SLC35B4: variants seen among roughly 807,000 people sequenced by gnomAD.
SLC35B4 encodes solute carrier family 35 member B4.
Under a neutral mutation model 39.5 loss-of-function variants are expected in SLC35B4, and 28 were observed. The ratio of observed to expected loss-of-function variants is 0.71; its 90% CI spans 0.53 to 0.97. SLC35B4 has a LOEUF of 0.97. SLC35B4 is among the 50% of genes least tolerant of loss of function. The pLI is 0.00. For missense variants in SLC35B4, 334 were observed against 414.3 expected (o/e 0.81, Z 1.68); for synonymous variants, 145 against 150.4 (o/e 0.96, Z 0.26).
chr7:134,295,574 C>G (rs1264527566), intron 9 of SLC35B4, among the ~76,000 whole-genome samples: 2 of 151,932 alleles, frequency 1.3e-5, no homozygotes, highest in Non-Finnish European at 2.9e-5. Flanking sequence ...AAAACGAAAA[C>G]TTGATTACTT....
chr7:134,302,285 C>A (rs759371014), intron 4 of SLC35B4, among the ~76,000 whole-genome samples, 175 bp from the exon 5 acceptor site: 1 of 152,222 alleles, frequency 6.6e-6, no homozygotes, highest in Non-Finnish European at 1.5e-5. Flanking sequence ...AGGATACTGA[C>A]TAGTTTCTAA....
intron 7 of SLC35B4, 27 bp from the exon 8 acceptor site, chr7:134,299,625 T>C (rs775794066): frequency 6.3e-7 from 1 of 1,577,066 alleles, no homozygotes; most frequent in African/African-American, 1.4e-5. Context: ...GTCAGATAAA[T>C]GTAAGTGCAA....
At chr7:134,302,241 G>T in intron 4 of SLC35B4, 131 bp from the exon 5 acceptor site, 1 of 741,420 alleles carries the variant, frequency 1.3e-6, no homozygotes, top group Non-Finnish European at 2.2e-6. Context: ...TTACTTTCCA[G>T]CAGAGTCCAC....
In SLC35B4 at chr7:134,294,234, A is replaced by T. The variant is rs1393579331; in HGVS notation, c.*599T>A. The T allele has an allele frequency of 6.6e-6, 1 of 151,720 alleles. No individual in the cohort carries two copies. The highest frequency in any genetic ancestry group is 1.5e-5 in the Non-Finnish European group (1 of 68,276). 9.4% of individuals were successfully genotyped at this position (151,720 alleles called of 1,614,324 possible). On this transcript the variant is annotated 3_prime_UTR_variant, in exon 10 of 10. Transcript: ENST00000378509. ...AAATGTGGGAAAGAGGAGTCCCACTAGTCTTGCTGCACTGTCACTGGGAAT... is the reference window on the plus strand; with the variant it reads ...AAATGTGGGAAAGAGGAGTCCCACTTGTCTTGCTGCACTGTCACTGGGAAT...
intron 4 of SLC35B4, 130 bp downstream of exon 4, chr7:134,304,675 C>G: frequency 1.5e-6 from 1 of 679,368 alleles, no homozygotes; most frequent in Non-Finnish European, 2.5e-6. Context: ...TGGTAAAGAA[C>G]TAAGAAAAGA....
At chr7:134,306,567 C>T in intron 3 of SLC35B4, 105 bp downstream of exon 3, 1 of 876,854 alleles carries the variant, frequency 1.1e-6, no homozygotes, top group Non-Finnish European at 1.7e-6. Context: ...TTCTTCTACC[C>T]AAGACCACTT....
At chr7:134,300,013 A>C in intron 7 of SLC35B4, 139 bp downstream of exon 7, 1 of 608,666 alleles carries the variant, frequency 1.6e-6, no homozygotes, top group East Asian at 2.8e-5. Flanking sequence ...ATCCCATCAA[A>C]ACTGCTTCAG....
At position 134,293,403 on chromosome 7, in the gene SLC35B4, G is replaced by C. The variant is rs1803378435; in HGVS notation, c.*1430C>G. The C allele has an allele frequency of 6.6e-6, 1 of 152,212 alleles. No individual in the cohort carries two copies. Among genetic ancestry groups the C allele is most frequent in the African/African-American group, 2.4e-5 (1 of 41,458 alleles). 9.4% of individuals were successfully genotyped at this position (152,212 alleles called of 1,614,324 possible). ...GAAAGGAAAACTGGACCTCTGAAAT[G>C]ATTAGCAAAGAGAGGCATGTTTCCA... is the stretch of plus-strand genomic sequence containing the variant. On this transcript the variant is annotated 3_prime_UTR_variant, in exon 10 of 10. Coordinates refer to ENST00000378509, the MANE Select transcript of SLC35B4 (RefSeq NM_032826.5).
Position 134,293,815 on chromosome 7 carries a change from TAG to T in SLC35B4, c.*1016_*1017del, listed in dbSNP as rs1803393926. On this transcript the variant is annotated 3_prime_UTR_variant, in exon 10 of 10. Transcript: ENST00000378509. ...TTCTTTTTTTTTTTTTTTTTTGAGATAGAGTCTCACTCTGTCACCCAGGCGGG... is the reference window on the plus strand; with the variant it reads ...TTCTTTTTTTTTTTTTTTTTTGAGATAGTCTCACTCTGTCACCCAGGCGGG... 1 of 150,056 alleles carries T rather than the reference TAG, an allele frequency of 6.7e-6. No individual in the cohort carries two copies. The highest frequency in any genetic ancestry group is 6.7e-5 in the Admixed American group (1 of 15,028). The allele number at this position is 150,056 out of a possible 1,614,324, so 9.3% of individuals were successfully genotyped here. A position where few individuals can be genotyped will look rare whatever the true frequency, so the allele number is the denominator to read the frequency against.
rs1412114067 is a variant in SLC35B4 at position 134,293,176 on chromosome 7, T to TA, written c.*1656dup. The TA allele has an allele frequency of 1.3e-5, 2 of 148,168 alleles. No individual in the cohort carries two copies. Among genetic ancestry groups the TA allele is most frequent in the African/African-American group, 5.2e-5 (2 of 38,498 alleles). The allele number at this position is 148,168 out of a possible 1,614,324, so 9.2% of individuals were successfully genotyped here. On this transcript the variant is annotated 3_prime_UTR_variant, in exon 10 of 10. Transcript: ENST00000378509. The stretch of plus-strand genomic sequence containing the variant: ...CACACACACACACAGTCTTTGTCTA[T>TA]AGGCAAACAGAGAAGTGGCCGGTGA...
At chr7:134,296,089 A>C (rs774850433) in intron 9 of SLC35B4, among the ~76,000 whole-genome samples, 58 of 152,024 alleles carry the variant, frequency 3.8e-4, no homozygotes, top group Non-Finnish European at 6.8e-4. Context: ...TCGGCCTCCT[A>C]AAGTGCTGGG....
upstream of SLC35B4, among the ~76,000 whole-genome samples, chr7:134,318,791 A>C (rs534380284): frequency 7.2e-5 from 11 of 152,354 alleles, no homozygotes; most frequent in South Asian, 1.9e-3. Flanking sequence ...ACAAGAAAAA[A>C]ATGGCCTGAG....
At chr7:134,317,685 T>TC (rs943723373), upstream of SLC35B4, among the ~76,000 whole-genome samples, 1 of 152,192 alleles carries the variant, frequency 6.6e-6, no homozygotes, top group Non-Finnish European at 1.5e-5. Context: ...AAGGCATACT[T>TC]CCCTCTTCTT....
intron 1 of SLC35B4, among the ~76,000 whole-genome samples, chr7:134,310,292 G>A (rs907120087): frequency 1.3e-5 from 2 of 152,270 alleles, no homozygotes; most frequent in East Asian, 1.9e-4. Context: ...GAAACAGTTG[G>A]GGAAGATTCC....
chr7:134,318,947 G>T (rs1288103125), upstream of SLC35B4, among the ~76,000 whole-genome samples: 1 of 152,178 alleles, frequency 6.6e-6, no homozygotes, highest in East Asian at 1.9e-4. Context: ...TAGGCCTGCA[G>T]CATGGCCTGA....
chr7:134,316,744 G>C lies in SLC35B4; in HGVS notation c.8C>G (p.Pro3Arg), dbSNP rs969607960. Residue 3 changes from proline to arginine, a missense_variant, in exon 1 of 10, where the codon CCG becomes CGG. Transcript: ENST00000378509. MR[P>R]ALAVGLVFAG... ...GAACACCAGGCCCACCGCCAAGGCC[G>C]GGCGCATGGCCGGTGCAGGGTTGGG... 7 of 1,549,262 alleles carry C rather than the reference G, an allele frequency of 4.5e-6. No individual in the cohort carries two copies. The highest frequency in any genetic ancestry group is 1.4e-5 in the African/African-American group (1 of 73,168).
chr7:134,299,445 C>T (rs909676412), intron 8 of SLC35B4, 78 bp downstream of exon 8: 10 of 1,158,564 alleles, frequency 8.6e-6, no homozygotes, highest in Non-Finnish European at 1.3e-5. Context: ...TGAAAAAGGC[C>T]GAGGTCAAGT....
chr7:134,291,090 T>C lies in SLC35B4; in HGVS notation c.*3743A>G, dbSNP rs1335183652. 1 of 152,164 alleles carries C rather than the reference T, an allele frequency of 6.6e-6. No individual in the cohort carries two copies. Among genetic ancestry groups the C allele is most frequent in the Non-Finnish European group, 1.5e-5 (1 of 68,024 alleles). 9.4% of individuals were successfully genotyped at this position (152,164 alleles called of 1,614,324 possible). On this transcript the variant is annotated 3_prime_UTR_variant, in exon 10 of 10. Transcript: ENST00000378509. ...TAAAAATAGCAAAATAAGAGAGTATTGTTTCCCAAATAGAGAAGGGAATGG... is the reference window on the plus strand; with the variant it reads ...TAAAAATAGCAAAATAAGAGAGTATCGTTTCCCAAATAGAGAAGGGAATGG...
Position 134,291,152 on chromosome 7 carries a change from A to G in SLC35B4, c.*3681T>C, listed in dbSNP as rs1425729477. The G allele has an allele frequency of 1.3e-5, 2 of 152,206 alleles. No homozygotes were observed. The highest frequency in any genetic ancestry group is 4.8e-5 in the African/African-American group (2 of 41,452). The allele number at this position is 152,206 out of a possible 1,614,324, so 9.4% of individuals were successfully genotyped here. Reference sequence around the variant, plus strand: ...CTCAAATAGAGAAGGGAATGGTGGTAGAGATTCTCAGCCTCCATTTTGAGC... The same window carrying G: ...CTCAAATAGAGAAGGGAATGGTGGTGGAGATTCTCAGCCTCCATTTTGAGC... On this transcript the variant is annotated 3_prime_UTR_variant, in exon 10 of 10. Coordinates refer to ENST00000378509, the MANE Select transcript of SLC35B4 (RefSeq NM_032826.5).
Sources: allele counts gnomAD v4.1 joint callset (sites outside exome capture counted in the v4.1 genomes callset), GRCh38; gene constraint gnomAD v4.1.1; transcripts MANE v1.5; gene names NCBI Gene and HGNC (gene_info 2026-07-23, HGNC 2026-07-21).